LRRC37A2: variants seen among roughly 807,000 people sequenced by gnomAD.
The protein encoded by LRRC37A2 is leucine-rich repeat-containing protein 37A2.
In LRRC37A2, 9 loss-of-function variants were observed where a neutral mutation model predicts 68.8. The observed-to-expected ratio is 0.13, with a 90% CI of 0.08 to 0.23. The LOEUF is 0.23. LRRC37A2 is among the 10% of genes least tolerant of loss of function. LRRC37A2 has a pLI of 1.00. For missense variants in LRRC37A2, 168 were observed against 950.4 expected, an observed-to-expected ratio of 0.18 and a Z score of 10.82; for synonymous variants, 63 against 367.6, an observed-to-expected ratio of 0.17 and a Z score of 9.48.
At chr17:46,534,223 C>T (rs1274320795) in intron 6 of LRRC37A2, among the ~76,000 whole-genome samples, 1 of 147,270 alleles carries the variant, frequency 6.8e-6, no homozygotes, top group East Asian at 2.0e-4. Flanking sequence ...TTTTATTGAT[C>T]ATTCTTGGGT....
the LRRC37A2 span, chr17:46,830,454 A>G: frequency 2.3e-5 from 9 of 386,670 alleles, no homozygotes; most frequent in Admixed American, 4.0e-4. Flanking sequence ...TCTTCTTCCT[A>G]CACTGCCCAG....
At chr17:46,583,975 TTA>T in the LRRC37A2 span, among the ~76,000 whole-genome samples, 16 of 10,326 alleles carry the variant, frequency 1.5e-3, 1 homozygote, top group East Asian at 3.2e-3. Flanking sequence ...CGTATATGTT[TTA>T]TATATATATA....
the LRRC37A2 span, among the ~76,000 whole-genome samples, chr17:46,739,175 G>A: frequency 2.0e-5 from 3 of 152,040 alleles, no homozygotes; most frequent in African/African-American, 7.2e-5. Flanking sequence ...TTCGAGACCA[G>A]CCTGGCCAGT....
the LRRC37A2 span, among the ~76,000 whole-genome samples, chr17:46,999,390 T>C: frequency 6.6e-6 from 1 of 152,156 alleles, no homozygotes; most frequent in South Asian, 2.1e-4. Flanking sequence ...TGGGTGTCCC[T>C]CTCATACCCA....
rs1219756396 is a variant in LRRC37A2 at position 46,525,587 on chromosome 17, A to AAAT, written c.2906+1717_2906+1719dup. 1.1e-3 allele frequency among the ~76,000 whole-genome samples: 73 copies of AAAT among 66,680 alleles called. 2 individuals are homozygous for AAAT. In the East Asian group the frequency reaches 0.028, roughly 26 times the overall value. 43.7% of individuals were successfully genotyped at this position (66,680 alleles called of 152,430 possible). A position where few individuals can be genotyped will look rare whatever the true frequency, so the allele number is the denominator to read the frequency against. On this transcript the variant is annotated intron_variant, in intron 6 of 14. Transcript: ENST00000576629. Reference sequence around the variant, plus strand: ...GAGGGACAGAGTGAGACTCTGTCTCAAATAATAATAATAATATAATAATAA... The same window carrying AAAT: ...GAGGGACAGAGTGAGACTCTGTCTCAAATAATAATAATAATAATATAATAATAA...
At chr17:46,833,423 T>G in the LRRC37A2 span, 1 of 516,994 alleles carries the variant, frequency 1.9e-6, no homozygotes, top group Admixed American at 1.9e-5. Context: ...TTACCAGCCC[T>G]CTAAGAAGAA....
the LRRC37A2 span, chr17:46,939,080 G>A: frequency 8.2e-7 from 1 of 1,220,012 alleles, no homozygotes; most frequent in African/African-American, 1.6e-5. Flanking sequence ...CGTGCCCTGG[G>A]AAGGTGTCCA....
At chr17:46,908,339 C>T in the LRRC37A2 span, among the ~76,000 whole-genome samples, 1 of 152,150 alleles carries the variant, frequency 6.6e-6, no homozygotes, top group Non-Finnish European at 1.5e-5. Flanking sequence ...TCACCCTATG[C>T]CTCAGGGTCC....
the LRRC37A2 span, among the ~76,000 whole-genome samples, chr17:46,893,231 G>A: frequency 5.9e-5 from 9 of 152,178 alleles, no homozygotes; most frequent in African/African-American, 2.2e-4. Flanking sequence ...ACCGCGCTTG[G>A]CTACCTGAAC....
the LRRC37A2 span, chr17:46,934,991 T>A: frequency 6.2e-7 from 1 of 1,600,166 alleles, no homozygotes; most frequent in Non-Finnish European, 8.6e-7. Flanking sequence ...AACTGACTGA[T>A]AAGCAAAGTT....
chr17:46,845,087 G>T, the LRRC37A2 span, among the ~76,000 whole-genome samples: 4 of 152,196 alleles, frequency 2.6e-5, no homozygotes, highest in Non-Finnish European at 5.9e-5. Flanking sequence ...GACCTCAGGT[G>T]ATCCACTCGC....
the LRRC37A2 span, among the ~76,000 whole-genome samples, chr17:46,960,436 C>T: frequency 1.3e-5 from 2 of 152,316 alleles, no homozygotes; most frequent in Admixed American, 1.3e-4. Flanking sequence ...CTATGAAAAA[C>T]AGTTTGGCAG....
the LRRC37A2 span, among the ~76,000 whole-genome samples, chr17:46,908,051 T>C: frequency 1.3e-5 from 2 of 152,088 alleles, no homozygotes; most frequent in South Asian, 4.2e-4. Context: ...AATCCCCCAA[T>C]GGTGGAATGT....
the LRRC37A2 span, among the ~76,000 whole-genome samples, chr17:46,879,345 C>T: frequency 6.6e-6 from 1 of 152,064 alleles, no homozygotes; most frequent in Non-Finnish European, 1.5e-5. Flanking sequence ...AGCACATGTC[C>T]GCTCTGTGAT....
chr17:47,038,595 AC>A, the LRRC37A2 span, among the ~76,000 whole-genome samples: 1 of 138,940 alleles, frequency 7.2e-6, no homozygotes, highest in Non-Finnish European at 1.6e-5. Context: ...CTCCACTCTC[AC>A]CCCCTCCTTT....
chr17:46,902,461 C>CGTGTGTGTGTGTGT, the LRRC37A2 span, among the ~76,000 whole-genome samples: 13 of 148,016 alleles, frequency 8.8e-5, no homozygotes, highest in African/African-American at 1.7e-4. Flanking sequence ...GGGAACAGTG[C>CGTGTGTGTGTGTGT]GTGTGTGTGT....
chr17:46,876,287 G>A, the LRRC37A2 span: 42 of 1,613,808 alleles, frequency 2.6e-5, no homozygotes, highest in South Asian at 1.6e-4. Flanking sequence ...GTGCCATGGC[G>A]TATCAGGCTC....
chr17:46,963,875 A>C, the LRRC37A2 span: 1 of 152,194 alleles, frequency 6.6e-6, no homozygotes, highest in Non-Finnish European at 1.5e-5. Flanking sequence ...GGAGTGCAAT[A>C]GCACAATAAG....
At chr17:46,497,176 GAGCCACC>G in the LRRC37A2 span, among the ~76,000 whole-genome samples, 52,025 of 116,786 alleles carry the variant, frequency 0.45, 12,101 homozygotes, top group South Asian at 0.62. Flanking sequence ...TTATAGGCGT[GAGCCACC>G]ATACTTGGCC....
Sources: allele counts gnomAD v4.1 joint callset (sites outside exome capture counted in the v4.1 genomes callset), GRCh38; gene constraint gnomAD v4.1.1; transcripts MANE v1.5; gene names NCBI Gene and HGNC (gene_info 2026-07-23, HGNC 2026-07-21).